The following MTFR1L variants were observed in gnomAD, a reference collection of about 807,000 sequenced individuals.
MTFR1L encodes mitochondrial fission regulator 1 like.
In MTFR1L, 10 loss-of-function variants were observed where a neutral mutation model predicts 27.9. The observed-to-expected ratio is 0.36, with a 90% CI of 0.22 to 0.61. MTFR1L has a LOEUF of 0.61. MTFR1L is among the 20% of genes least tolerant of loss of function. The pLI is 0.73. For synonymous variants in MTFR1L, 151 were observed against 139.4 expected, an observed-to-expected ratio of 1.08 and a Z score of -0.58; for missense variants, 315 against 363.7, an observed-to-expected ratio of 0.87 and a Z score of 1.09.
chr1:25,820,091 T>A, intron 1 of MTFR1L, 62 bp downstream of exon 1: 2 of 431,402 alleles, frequency 4.6e-6, no homozygotes, highest in South Asian at 3.2e-5. Context: ...GTTAGTAGAC[T>A]GGGTCTACGT....
chr1:25,830,318 A>AT (rs1253274384), intron 6 of MTFR1L, among the ~76,000 whole-genome samples: 1 of 152,236 alleles, frequency 6.6e-6, no homozygotes, highest in Non-Finnish European at 1.5e-5. Context: ...TGATTTGAGA[A>AT]TAAGGCTTTT....
rs565072603 is a variant in MTFR1L at position 25,832,117 on chromosome 1, T to C, written c.*91T>C. 1.4e-4 allele frequency: 218 copies of C among 1,603,162 alleles called. No individual in the cohort carries two copies. In the African/African-American group the frequency reaches 1.6e-3, roughly 12 times the overall value. On this transcript the variant is annotated 3_prime_UTR_variant, in exon 7 of 7. Coordinates refer to ENST00000374303, the MANE Select transcript of MTFR1L (RefSeq NM_001099625.2). ...CGCAGATGTTTCTGCCTCTTAAGGA[T>C]AGATCTTCTGCAACAGTCTTGCTGA...
intron 1 of MTFR1L, chr1:25,822,171 G>C (rs893070033): frequency 2.0e-5 from 3 of 152,162 alleles, no homozygotes. Context: ...TTTTCCAGAT[G>C]GAAAAACCAA....
intron 5 of MTFR1L, 91 bp from the exon 6 acceptor site, chr1:25,829,418 T>A: frequency 8.4e-7 from 1 of 1,185,344 alleles, no homozygotes; most frequent in Non-Finnish European, 1.2e-6. Flanking sequence ...GCCCAGGAAA[T>A]GAATGTTCAG....
chr1:25,829,818 A>G lies in MTFR1L; in HGVS notation c.761A>G (p.Gln254Arg), dbSNP rs1242526360. 3 of 1,600,626 alleles carry G rather than the reference A, an allele frequency of 1.9e-6. No individual in the cohort carries two copies. Among genetic ancestry groups the G allele is most frequent in the Non-Finnish European group, 2.5e-6 (3 of 1,177,974 alleles). Residue 254 changes from glutamine (Q) to arginine (R), a missense_variant, in exon 6 of 7, where the codon CAG (glutamine) becomes CGG (arginine). Coordinates refer to ENST00000374303, the MANE Select transcript of MTFR1L (RefSeq NM_001099625.2). ...CTGAAGGACTTTCACCGAATGAAAC[A>G]GAGTCAAGATCTGTAAGTATCTGAT... ...GILKDFHRMKQSQDLNRSLLK... is the reference protein window; with the variant it reads ...GILKDFHRMKRSQDLNRSLLK...
intron 5 of MTFR1L, 142 bp from the exon 6 acceptor site, chr1:25,829,367 T>A: frequency 1.3e-6 from 1 of 752,542 alleles, no homozygotes; most frequent in South Asian, 1.8e-5. Flanking sequence ...CTCCACTGGC[T>A]ACAGATACCA....
At chr1:25,825,805 A>T (rs2048159923) in intron 3 of MTFR1L, 1 of 154,524 alleles carries the variant, frequency 6.5e-6, no homozygotes. Flanking sequence ...CTGAAGACAC[A>T]GAACTGTTTG....
intron 6 of MTFR1L, among the ~76,000 whole-genome samples, chr1:25,830,063 A>G (rs1349855705): frequency 1.3e-5 from 2 of 152,246 alleles, no homozygotes; most frequent in African/African-American, 4.8e-5. Context: ...TAGGGATTTT[A>G]CAAGAAGGCT....
intron 6 of MTFR1L, among the ~76,000 whole-genome samples, chr1:25,831,225 T>TA (rs1332743818): frequency 6.6e-6 from 1 of 152,184 alleles, no homozygotes; most frequent in Non-Finnish European, 1.5e-5. Flanking sequence ...CTCTTATATT[T>TA]AGCTTAATCA....
rs376576989 is a variant in MTFR1L at position 25,826,271 on chromosome 1, G to C, written c.130-31G>C. 551 of 1,595,240 alleles carry C rather than the reference G, an allele frequency of 3.5e-4. No homozygotes were observed. The highest frequency in any genetic ancestry group is 4.5e-4 in the Non-Finnish European group (526 of 1,163,524). On this transcript the variant is annotated intron_variant, in intron 3 of 6. Transcript: ENST00000374303. The surrounding 1 kb of genome is among the most constrained non-coding windows in gnomAD (Gnocchi z 4.1). ...TTCTGATTGGCTCATCATGGCATCT[G>C]TAAATGTTGATGACTTTTGCTTCTC...
At chr1:25,822,879 G>A (rs1324796304) in intron 1 of MTFR1L, 140 bp from the exon 2 acceptor site, 1 of 659,382 alleles carries the variant, frequency 1.5e-6, no homozygotes. Flanking sequence ...AGTGTTGGGT[G>A]AGGGCAGCCT....
At position 25,823,753 on chromosome 1, in the gene MTFR1L, G is replaced by A. The variant is rs1351864178; in HGVS notation, c.129+5G>A. On this transcript the variant is annotated splice_donor_5th_base_variant and intron_variant, in intron 3 of 6. Transcript: ENST00000374303. ...TGTGCCCGGGCGTCCTTTGAGGTGA[G>A]TATGTTGGAAGGGCAGGAGAGTAGA... 4 of 1,613,688 alleles carry A rather than the reference G, an allele frequency of 2.5e-6. No individual in the cohort carries two copies. Among genetic ancestry groups the A allele is most frequent in the African/African-American group, 1.3e-5 (1 of 75,046 alleles).
chr1:25,821,633 GCTCCCCA>G (rs2048093753), intron 1 of MTFR1L: 1 of 152,324 alleles, frequency 6.6e-6, no homozygotes, highest in Non-Finnish European at 1.5e-5. Context: ...CCTGTCCAGG[GCTCCCCA>G]GTGACCCGGA....
At position 25,826,212 on chromosome 1, in the gene MTFR1L, C is replaced by A; in HGVS notation, c.130-90C>A. On this transcript the variant is annotated intron_variant, in intron 3 of 6. Coordinates refer to ENST00000374303, the MANE Select transcript of MTFR1L (RefSeq NM_001099625.2). This position sits in a 1 kb window ranked among gnomAD's most constrained non-coding sequence, Gnocchi z 4.1. The stretch of plus-strand genomic sequence containing the variant: ...TAGGAAGCCTTCCTGACACCCAGTG[C>A]CGGATTAGGTACCCCTCCTGTGTAT... The A allele has an allele frequency of 9.2e-7, 1 of 1,090,478 alleles. No individual in the cohort carries two copies. The highest frequency in any genetic ancestry group is 1.4e-6 in the Non-Finnish European group (1 of 732,716). 67.6% of individuals were successfully genotyped at this position (1,090,478 alleles called of 1,614,324 possible). A position where few individuals can be genotyped will look rare whatever the true frequency, so the allele number is the denominator to read the frequency against.
intron 3 of MTFR1L, among the ~76,000 whole-genome samples, chr1:25,824,316 T>C (rs922385909): frequency 6.6e-6 from 1 of 152,238 alleles, no homozygotes; most frequent in Non-Finnish European, 1.5e-5. Flanking sequence ...CAGAGATTCC[T>C]ACCTGGCCCA....
rs1392533748 is a variant in MTFR1L, at chr1:25,832,182, A to G, written c.*156A>G. On this transcript the variant is annotated 3_prime_UTR_variant, in exon 7 of 7. Transcript: ENST00000374303. ...GACTGAAAGAGAAGAGCTGGATTAT[A>G]TATTTCCCAGACTTCAAACCCTAGC... 2.0e-5 allele frequency: 31 copies of G among 1,541,706 alleles called. No homozygotes were observed. Among genetic ancestry groups the G allele is most frequent in the Middle Eastern group, 3.3e-4 (2 of 6,016 alleles).
Position 25,819,998 on chromosome 1 carries a change from G to C in MTFR1L, c.-118G>C, listed in dbSNP as rs909882583. 5 of 341,722 alleles carry C rather than the reference G, an allele frequency of 1.5e-5. No homozygotes were observed. The highest frequency in any genetic ancestry group is 2.8e-5 in the Non-Finnish European group (5 of 177,272). The allele number at this position is 341,722 out of a possible 1,614,324, so 21.2% of individuals were successfully genotyped here. A position where few individuals can be genotyped will look rare whatever the true frequency, so the allele number is the denominator to read the frequency against. ...GGCCCAAGGTGGAAGGAGGGGCCGT[G>C]AGGTGAGAGAGTCCGGGAGCCCGAG... On this transcript the variant is annotated 5_prime_UTR_variant, in exon 1 of 7. Transcript: ENST00000374303.
chr1:25,829,359 C>T (rs946990882), intron 5 of MTFR1L, 150 bp from the exon 6 acceptor site: 2 of 701,874 alleles, frequency 2.8e-6, no homozygotes, highest in Non-Finnish European at 2.4e-6. Flanking sequence ...GAATGACCCT[C>T]CACTGGCTAC....
In MTFR1L at chr1:25,826,225, C is replaced by T. The variant is rs2048165835; in HGVS notation, c.130-77C>T. 11 of 1,259,926 alleles carry T rather than the reference C, an allele frequency of 8.7e-6. No homozygotes were observed. The highest frequency in any genetic ancestry group is 1.1e-5 in the Non-Finnish European group (10 of 873,424). The allele number at this position is 1,259,926 out of a possible 1,614,324, so 78.0% of individuals were successfully genotyped here. A position where few individuals can be genotyped will look rare whatever the true frequency, so the allele number is the denominator to read the frequency against. The stretch of plus-strand genomic sequence containing the variant: ...TGACACCCAGTGCCGGATTAGGTAC[C>T]CCTCCTGTGTATTCTGCAGTTTCTG... On this transcript the variant is annotated intron_variant, in intron 3 of 6. Transcript: ENST00000374303. The surrounding 1 kb of genome is among the most constrained non-coding windows in gnomAD (Gnocchi z 4.1).
Sources: gnomAD v4.1 joint callset for allele counts (sites outside exome capture counted in the v4.1 genomes callset) on GRCh38, gnomAD v4.1.1 for gene constraint, Gnocchi (gnomAD v3.1) non-coding constraint, MANE v1.5 for transcripts, NCBI Gene and HGNC (gene_info 2026-07-23, HGNC 2026-07-21) for gene names.